The following CHN1 variants were observed in gnomAD, a reference collection of about 807,000 sequenced individuals.
The protein encoded by CHN1 is N-chimaerin.
A neutral mutation model predicts 59.5 loss-of-function variants in CHN1; 37 were observed. The ratio of observed to expected loss-of-function variants is 0.62; its 90% confidence interval spans 0.48 to 0.82. CHN1 has a LOEUF of 0.82. Ranked by LOEUF, CHN1 falls within the 40% of genes least tolerant of loss-of-function variation. The pLI is 0.00. For synonymous variants in CHN1, 206 were observed against 200.4 expected, an observed-to-expected ratio of 1.03 and a Z score of -0.24; for missense variants, 469 against 571.0, an observed-to-expected ratio of 0.82 and a Z score of 1.82.
At chr2:174,918,238 T>TATTG (rs1324183960) in intron 4 of CHN1, among the ~76,000 whole-genome samples, 1 of 152,170 alleles carries the variant, frequency 6.6e-6, no homozygotes, top group Non-Finnish European at 1.5e-5. Flanking sequence ...CTAATATATA[T>TATTG]GTACACAAAA....
At chr2:174,885,864 G>T (rs1315258790) in intron 5 of CHN1, among the ~76,000 whole-genome samples, 1 of 152,126 alleles carries the variant, frequency 6.6e-6, no homozygotes, top group East Asian at 1.9e-4. Context: ...TAAATACTGT[G>T]TCCCACTACT....
At chr2:174,839,613 T>G (rs1574075184) in intron 7 of CHN1, among the ~76,000 whole-genome samples, 1 of 152,160 alleles carries the variant, frequency 6.6e-6, no homozygotes, top group East Asian at 1.9e-4. Context: ...GATTTTTTTT[T>G]TTTTTTTTGA....
At chr2:174,858,589 A>C (rs1686975351) in intron 6 of CHN1, among the ~76,000 whole-genome samples, 1 of 152,176 alleles carries the variant, frequency 6.6e-6, no homozygotes, top group Admixed American at 6.6e-5. Flanking sequence ...GAAAAGTAAA[A>C]GTAGCTTGCT....
At chr2:174,802,613 C>A (rs967201039) in intron 11 of CHN1, among the ~76,000 whole-genome samples, 2 of 152,216 alleles carry the variant, frequency 1.3e-5, no homozygotes, top group African/African-American at 2.4e-5. Flanking sequence ...CCTTTGAGAT[C>A]AGACTGCATT....
At chr2:174,901,684 G>A (rs894922925) in intron 5 of CHN1, among the ~76,000 whole-genome samples, 2 of 152,098 alleles carry the variant, frequency 1.3e-5, no homozygotes, top group African/African-American at 4.8e-5. Flanking sequence ...CAAAGCAACA[G>A]GGAGAACAAC....
intron 7 of CHN1, among the ~76,000 whole-genome samples, chr2:174,846,623 C>T (rs1415468796): frequency 6.6e-6 from 1 of 152,160 alleles, no homozygotes; most frequent in African/African-American, 2.4e-5. Context: ...TTTTAAATAT[C>T]AGTCAAGACT....
chr2:174,915,672 T>C (rs1558980077), intron 4 of CHN1, among the ~76,000 whole-genome samples: 3 of 152,234 alleles, frequency 2.0e-5, no homozygotes, highest in Non-Finnish European at 2.9e-5. Flanking sequence ...TCTGCATTAC[T>C]GAACACTCAA....
rs1191372355 is a variant in CHN1, at chr2:175,005,020, G to A, written c.-108C>T. 9.6e-5 allele frequency: 142 copies of A among 1,473,036 alleles called. No individual in the cohort carries two copies. The highest frequency in any genetic ancestry group is 1.2e-4 in the Non-Finnish European group (136 of 1,111,852). The allele number at this position is 1,473,036 out of a possible 1,614,324, so 91.2% of individuals were successfully genotyped here. ...ACACCTCGGAGAGAGTGGGGTGCCC[G>A]ATGGGGCGTGCTGGGGGCGCCGGCG... is the stretch of plus-strand genomic sequence containing the variant. On this transcript the variant is annotated 5_prime_UTR_variant, in exon 1 of 13. Transcript: ENST00000409900.
At chr2:174,847,618 G>T (rs542907941) in intron 6 of CHN1, 1 of 1,317,332 alleles carries the variant, frequency 7.6e-7, no homozygotes, top group South Asian at 1.3e-5. Flanking sequence ...GGGAAGGGAG[G>T]GATTTCACAA....
rs1188235091 is a variant in CHN1, at chr2:174,950,268, C to CT, written c.58+1895dup. Reference sequence around the variant, plus strand: ...ATCTCTCTCTTTTTTTTTTTAATGTCTTTTTTTTTTGACATAGTTTTGCTC... The same window carrying CT: ...ATCTCTCTCTTTTTTTTTTTAATGTCTTTTTTTTTTTGACATAGTTTTGCTC... On this transcript the variant is annotated intron_variant, in intron 2 of 12. Transcript: ENST00000409900. 4.2e-3 allele frequency among the ~76,000 whole-genome samples: 615 copies of CT among 146,598 alleles called. 1 individual carries two copies. Among genetic ancestry groups the CT allele is most frequent in the Non-Finnish European group, 4.3e-3 (283 of 66,086 alleles).
chr2:174,804,619 C>T (rs575430422), intron 11 of CHN1, among the ~76,000 whole-genome samples: 3 of 152,256 alleles, frequency 2.0e-5, no homozygotes, highest in Non-Finnish European at 4.4e-5. Context: ...TTGTTGGATT[C>T]TGGGTATATT....
chr2:174,906,946 T>C (rs540931860), intron 5 of CHN1, among the ~76,000 whole-genome samples: 27 of 152,216 alleles, frequency 1.8e-4, no homozygotes, highest in Non-Finnish European at 3.8e-4. Context: ...TATCTGAATT[T>C]ACCAAACAGA....
rs537001867 is a variant in CHN1, at chr2:174,957,245, A to T, written c.20-5043T>A. Among the ~76,000 whole-genome samples, 6 of 152,314 alleles carry T rather than the reference A, an allele frequency of 3.9e-5. No individual in the cohort carries two copies. The East Asian group carries it at 1.2e-3, about 29-fold the overall frequency. ...CAAAATCACTAAGAACAACAACAAT[A>T]AAATCCCACAAAAATGTAAAAAAGT... On this transcript the variant is annotated intron_variant, in intron 1 of 12. Transcript: ENST00000409900.
At chr2:174,956,430 T>C (rs930149121) in intron 1 of CHN1, among the ~76,000 whole-genome samples, 2 of 152,086 alleles carry the variant, frequency 1.3e-5, no homozygotes, top group East Asian at 1.9e-4. Context: ...GAATATATGA[T>C]GGTAAAATGA....
chr2:174,977,150 G>T (rs560603102), intron 1 of CHN1, among the ~76,000 whole-genome samples: 11 of 152,130 alleles, frequency 7.2e-5, no homozygotes, highest in Middle Eastern at 3.2e-3. Flanking sequence ...AAACAAACCC[G>T]CCTGTCTCAA....
At chr2:174,817,483 A>G (rs866083455) in intron 8 of CHN1, among the ~76,000 whole-genome samples, 1 of 145,074 alleles carries the variant, frequency 6.9e-6, no homozygotes, top group Non-Finnish European at 1.5e-5. Flanking sequence ...TTTTTTTTTT[A>G]AAACAGGGTC....
chr2:174,931,754 A>G (rs1462230413), intron 3 of CHN1, among the ~76,000 whole-genome samples: 2 of 152,262 alleles, frequency 1.3e-5, no homozygotes, highest in African/African-American at 4.8e-5. Context: ...TTCCTAATAT[A>G]GTGGTCACAA....
chr2:174,878,100 G>C lies in CHN1; in HGVS notation c.289C>G (p.Leu97Val). ...RFGSQTRNFR[L>V]YYDGKHFVGE... The stretch of plus-strand genomic sequence containing the variant: ...ACAAAGTGCTTGCCATCGTAGTAGA[G>C]CCTGAAGTTTCTGGTTTGACTTCCA... Residue 97 changes from leucine (L) to valine (V), a missense_variant, in exon 6 of 13, where the codon CTC becomes GTC. Leu to Val is a conservative substitution (Grantham distance 32, BLOSUM62 1). This residue lies in a region of CHN1 where 152 missense variants were observed against 166.1 expected (regional missense o/e 0.92). Coordinates refer to ENST00000409900, the MANE Select transcript of CHN1 (RefSeq NM_001822.7). 6.4e-7 allele frequency: 1 copy of C among 1,554,066 alleles called. No individual in the cohort carries two copies. The highest frequency in any genetic ancestry group is 8.7e-7 in the Non-Finnish European group (1 of 1,143,750).
chr2:174,862,404 C>T (rs1324612357), intron 6 of CHN1, among the ~76,000 whole-genome samples: 1 of 151,410 alleles, frequency 6.6e-6, no homozygotes, highest in South Asian at 2.1e-4. Context: ...GCAATCTTGG[C>T]TCACTGCAAC....
Sources: gnomAD v4.1 joint callset for allele counts (sites outside exome capture counted in the v4.1 genomes callset) on GRCh38, gnomAD v4.1.1 for gene constraint, gnomAD v4.1.1 regional missense constraint, MANE v1.5 for transcripts, NCBI Gene and HGNC (gene_info 2026-07-23, HGNC 2026-07-21) for gene names.